The following NCK2 variants were observed in gnomAD, a reference collection of about 807,000 sequenced individuals.
NCK2 encodes cytoplasmic protein NCK2.
NCK2 carries 16 observed loss-of-function variants against 33.9 expected under a neutral mutation model. The ratio of observed to expected loss-of-function variants is 0.47; its 90% CI spans 0.32 to 0.72. NCK2 has a LOEUF of 0.72. Among genes scored for constraint, NCK2 ranks in the 30% least tolerant of loss-of-function variants. The probability of loss-of-function intolerance (pLI) is 0.03; values close to 1 mark genes in which losing one functional copy is unlikely to be tolerated. For synonymous variants in NCK2, 273 were observed against 239.9 expected, an observed-to-expected ratio of 1.14 and a Z score of -1.27; for missense variants, 418 against 537.3, an observed-to-expected ratio of 0.78 and a Z score of 2.19.
Position 105,855,081 on chromosome 2 carries a change from T to G in NCK2, c.18T>G (p.Ile6Met). MTEEV[I>M]VIAKWDYTAQ... ...CATGAAAGATGACAGAAGAAGTTAT[T>G]GTGATAGCCAAGTGGGACTACACCG... is the stretch of plus-strand genomic sequence containing the variant. Residue 6 changes from isoleucine to methionine, a missense_variant, in exon 3 of 5, where the codon ATT becomes ATG. By Grantham distance (10) the Ile-to-Met change is conservative. Transcript: ENST00000233154. 1 of 1,614,200 alleles carries G rather than the reference T, an allele frequency of 6.2e-7. No individual in the cohort carries two copies.
intron 1 of NCK2, among the ~76,000 whole-genome samples, chr2:105,788,038 A>T (rs940828171): frequency 6.6e-6 from 1 of 151,968 alleles, no homozygotes; most frequent in Non-Finnish European, 1.5e-5. Flanking sequence ...CCAAGGTTGG[A>T]TCTGCTTGGA....
At chr2:105,784,941 ATGTGTTTTTTTG>A (rs1273690536) in intron 1 of NCK2, among the ~76,000 whole-genome samples, 1 of 152,028 alleles carries the variant, frequency 6.6e-6, no homozygotes, top group Non-Finnish European at 1.5e-5. Flanking sequence ...GTTGTTTTTT[ATGTGTTTTTTTG>A]TGTGTTTTTT....
At chr2:105,765,786 G>GTGTGTGTGT (rs1553451275) in intron 1 of NCK2, among the ~76,000 whole-genome samples, 9 of 147,220 alleles carry the variant, frequency 6.1e-5, no homozygotes, top group African/African-American at 2.3e-4. Flanking sequence ...TAGAATAGGG[G>GTGTGTGTGT]GTGTGTGTGT....
chr2:105,845,751 G>GA lies in NCK2; in HGVS notation c.-16-9288dup, dbSNP rs375984517. 1.0e-3 allele frequency among the ~76,000 whole-genome samples: 152 copies of GA among 150,328 alleles called. 1 individual carries two copies. The highest frequency in any genetic ancestry group is 1.9e-3 in the Non-Finnish European group (127 of 67,496). ...AAATTTACAAGTACCTTACAGCTGTGAAAAAAAAATAGGAAGGCCTGATAA... is the reference window on the plus strand; with the variant it reads ...AAATTTACAAGTACCTTACAGCTGTGAAAAAAAAAATAGGAAGGCCTGATAA... On this transcript the variant is annotated intron_variant, in intron 2 of 4. Coordinates refer to ENST00000233154, the MANE Select transcript of NCK2 (RefSeq NM_003581.5).
At chr2:105,889,179 G>A (rs6753511) in intron 4 of NCK2, among the ~76,000 whole-genome samples, 33,362 of 152,138 alleles carry the variant, frequency 0.22, 4,121 homozygotes, top group Admixed American at 0.33. Flanking sequence ...CAGATGCAGG[G>A]ACTGGTGGCT....
At chr2:105,747,427 C>CCCTG (rs1689322099) in intron 1 of NCK2, among the ~76,000 whole-genome samples, 1 of 152,164 alleles carries the variant, frequency 6.6e-6, no homozygotes, top group Admixed American at 6.5e-5. Flanking sequence ...GCTTAGTTTG[C>CCCTG]CCTGGATAGA....
chr2:105,790,629 A>G (rs184336722), intron 1 of NCK2, among the ~76,000 whole-genome samples: 34 of 152,228 alleles, frequency 2.2e-4, no homozygotes, highest in African/African-American at 7.9e-4. Flanking sequence ...CATCCCCCGC[A>G]CCTGTCCTCA....
intron 1 of NCK2, among the ~76,000 whole-genome samples, chr2:105,814,586 A>G (rs1341722725): frequency 1.3e-5 from 2 of 152,180 alleles, no homozygotes; most frequent in Non-Finnish European, 2.9e-5. Flanking sequence ...TGCTGTTGGC[A>G]TAAGGAGTCT....
intron 1 of NCK2, among the ~76,000 whole-genome samples, chr2:105,796,575 G>A (rs182692595): frequency 6.6e-6 from 1 of 152,314 alleles, no homozygotes; most frequent in East Asian, 1.9e-4. Flanking sequence ...GATCGGCAGC[G>A]TCTGGACTGA....
At chr2:105,832,954 T>A (rs1676256053) in intron 2 of NCK2, among the ~76,000 whole-genome samples, 1 of 151,506 alleles carries the variant, frequency 6.6e-6, no homozygotes, top group South Asian at 2.1e-4. Flanking sequence ...TTTGGAAAAA[T>A]TCAGCACTAA....
At chr2:105,778,184 G>A (rs1690374618) in intron 1 of NCK2, among the ~76,000 whole-genome samples, 1 of 152,168 alleles carries the variant, frequency 6.6e-6, no homozygotes, top group African/African-American at 2.4e-5. Flanking sequence ...GCTTAGAGGG[G>A]GACTGGGGAC....
intron 2 of NCK2, among the ~76,000 whole-genome samples, chr2:105,839,252 G>A (rs1676547124): frequency 6.6e-6 from 1 of 152,186 alleles, no homozygotes; most frequent in Admixed American, 6.5e-5. Context: ...TTCTGTTTGG[G>A]TGGGAAGCTG....
chr2:105,823,524 A>G (rs932512826), intron 2 of NCK2, among the ~76,000 whole-genome samples: 9 of 152,034 alleles, frequency 5.9e-5, no homozygotes, highest in African/African-American at 2.2e-4. Context: ...TCCTGGCTCC[A>G]GGATGTCAAA....
At chr2:105,837,467 T>C (rs1220687886) in intron 2 of NCK2, among the ~76,000 whole-genome samples, 2 of 152,160 alleles carry the variant, frequency 1.3e-5, no homozygotes, top group Non-Finnish European at 2.9e-5. Flanking sequence ...TTCACTTTCT[T>C]GGTATGATAG....
intron 1 of NCK2, among the ~76,000 whole-genome samples, chr2:105,748,560 C>T (rs1689361271): frequency 6.6e-6 from 1 of 152,004 alleles, no homozygotes; most frequent in African/African-American, 2.4e-5. Flanking sequence ...CACCACCATG[C>T]TCAGTGAATT....
intron 4 of NCK2, among the ~76,000 whole-genome samples, chr2:105,892,115 C>T (rs915430917): frequency 5.3e-5 from 8 of 151,516 alleles, no homozygotes; most frequent in Non-Finnish European, 1.0e-4. Flanking sequence ...ACCTGGGAGG[C>T]GCAGGTTGCA....
At chr2:105,827,607 C>CA (rs1676002919) in intron 2 of NCK2, among the ~76,000 whole-genome samples, 1 of 152,058 alleles carries the variant, frequency 6.6e-6, no homozygotes, top group South Asian at 2.1e-4. Context: ...TGTCCTGGGC[C>CA]AAAAAACAAA....
chr2:105,807,730 T>TCTCCCTCCCTCCCTCCC (rs1675108003), intron 1 of NCK2, among the ~76,000 whole-genome samples: 1 of 56,778 alleles, frequency 1.8e-5, no homozygotes, highest in Admixed American at 2.0e-4. Context: ...TCCTTCCTTC[T>TCTCCCTCCCTCCCTCCC]TTCCTTCCTT....
In NCK2 at chr2:105,782,270, G is replaced by A. The variant is rs547577427; in HGVS notation, c.-200-34160G>A. Among the ~76,000 whole-genome samples, 9 of 152,338 alleles carry A rather than the reference G, an allele frequency of 5.9e-5. No individual in the cohort carries two copies. The South Asian group carries it at 6.2e-4, about 11-fold the overall frequency. On this transcript the variant is annotated intron_variant, in intron 1 of 4. Coordinates refer to ENST00000233154, the MANE Select transcript of NCK2 (RefSeq NM_003581.5). The stretch of plus-strand genomic sequence containing the variant: ...ACTCAGGGTGGCCCTTCCTTCTGGT[G>A]TAGATGGATGGATTATCAGGCACAT...
Sources: gnomAD v4.1 joint callset for allele counts (sites outside exome capture counted in the v4.1 genomes callset) on GRCh38, gnomAD v4.1.1 for gene constraint, MANE v1.5 for transcripts, NCBI Gene and HGNC (gene_info 2026-07-23, HGNC 2026-07-21) for gene names.